The following PTPN4 variants were observed in gnomAD, a reference collection of about 807,000 sequenced individuals.
PTPN4 encodes tyrosine-protein phosphatase non-receptor type 4.
Under a neutral mutation model 135.5 loss-of-function variants are expected in PTPN4, and 49 were observed. The observed-to-expected ratio is 0.36, with a 90% confidence interval of 0.29 to 0.46. PTPN4 has a LOEUF of 0.46. Ranked by LOEUF, PTPN4 falls within the 20% of genes least tolerant of loss-of-function variation. The pLI is 1.00. For missense variants in PTPN4, 860 were observed against 1,101.0 expected, an observed-to-expected ratio of 0.78 and a Z score of 3.10; for synonymous variants, 333 against 369.9, an observed-to-expected ratio of 0.90 and a Z score of 1.14.
chr2:119,767,077 T>C (rs1344510992), intron 1 of PTPN4, among the ~76,000 whole-genome samples: 1 of 152,216 alleles, frequency 6.6e-6, no homozygotes, highest in East Asian at 1.9e-4. Flanking sequence ...TAAACTAATT[T>C]TTAACATTGT....
At chr2:119,936,156 C>T (rs560295842) in intron 15 of PTPN4, among the ~76,000 whole-genome samples, 1 of 152,220 alleles carries the variant, frequency 6.6e-6, no homozygotes, top group South Asian at 2.1e-4. Context: ...GCGCCAGCCA[C>T]CACTCCCGGC....
intron 9 of PTPN4, among the ~76,000 whole-genome samples, chr2:119,898,765 C>T (rs953898087): frequency 6.6e-6 from 1 of 152,102 alleles, no homozygotes; most frequent in Non-Finnish European, 1.5e-5. Flanking sequence ...CTTGTTCTCT[C>T]GTTTTATCTT....
intron 13 of PTPN4, among the ~76,000 whole-genome samples, chr2:119,927,113 CTTTT>C (rs35553909): frequency 8.1e-6 from 1 of 122,846 alleles, no homozygotes; most frequent in Non-Finnish European, 1.7e-5. Flanking sequence ...AGCCAATTTG[CTTTT>C]TTTTTTTTTT....
chr2:119,768,122 T>G (rs1012534783), intron 1 of PTPN4, among the ~76,000 whole-genome samples: 3 of 152,334 alleles, frequency 2.0e-5, no homozygotes, highest in Admixed American at 6.5e-5. Flanking sequence ...TATATACTCC[T>G]GGATTTGTTT....
intron 2 of PTPN4, among the ~76,000 whole-genome samples, chr2:119,820,359 T>TA (rs765945282): frequency 1.3e-5 from 2 of 152,222 alleles, no homozygotes; most frequent in African/African-American, 2.4e-5. Context: ...AGTACTTGCA[T>TA]AAAGAAACTT....
chr2:119,972,561 T>A (rs1035902126), intron 26 of PTPN4, among the ~76,000 whole-genome samples: 2 of 152,142 alleles, frequency 1.3e-5, no homozygotes, highest in African/African-American at 4.8e-5. Context: ...TTGTCTTTCT[T>A]GTATAAGTAT....
chr2:119,896,279 T>G lies in PTPN4; in HGVS notation c.676-4439T>G, dbSNP rs1678322321. ...ACTGTAGCTTGGTCTTGCTGTTGTT[T>G]AGTTATTTTATTTGACTCACAGTAA... On this transcript the variant is annotated intron_variant, in intron 9 of 26. Coordinates refer to ENST00000263708, the MANE Select transcript of PTPN4 (RefSeq NM_002830.4). 2.6e-5 allele frequency among the ~76,000 whole-genome samples: 4 copies of G among 152,324 alleles called. No individual in the cohort carries two copies. The South Asian group carries it at 8.3e-4, about 32-fold the overall frequency.
At chr2:119,826,403 C>T (rs886763774) in intron 2 of PTPN4, among the ~76,000 whole-genome samples, 8 of 152,126 alleles carry the variant, frequency 5.3e-5, no homozygotes, top group East Asian at 1.9e-4. Context: ...GAGCCCTTAC[C>T]GGAAACTATA....
At chr2:119,899,309 T>C (rs1461637460) in intron 9 of PTPN4, among the ~76,000 whole-genome samples, 1 of 152,196 alleles carries the variant, frequency 6.6e-6, no homozygotes, top group Non-Finnish European at 1.5e-5. Flanking sequence ...CTGATTATCC[T>C]GACAGTAATT....
chr2:119,921,285 CAAAAAT>C (rs1678733653), intron 12 of PTPN4, among the ~76,000 whole-genome samples: 1 of 151,702 alleles, frequency 6.6e-6, no homozygotes, highest in Non-Finnish European at 1.5e-5. Context: ...GACTCCATCT[CAAAAAT>C]AAAAATAAAA....
intron 2 of PTPN4, among the ~76,000 whole-genome samples, chr2:119,830,008 T>C: frequency 6.6e-6 from 1 of 152,092 alleles, no homozygotes; most frequent in East Asian, 1.9e-4. Context: ...TTAATAGCTA[T>C]CTTAGTAGGT....
intron 3 of PTPN4, among the ~76,000 whole-genome samples, chr2:119,873,394 T>C (rs190921261): frequency 3.0e-4 from 46 of 152,296 alleles, no homozygotes; most frequent in African/African-American, 1.1e-3. Context: ...GATTTCTTAG[T>C]AGAAACCATG....
chr2:119,762,818 G>A (rs1690533732), intron 1 of PTPN4, among the ~76,000 whole-genome samples: 1 of 152,124 alleles, frequency 6.6e-6, no homozygotes, highest in Non-Finnish European at 1.5e-5. Flanking sequence ...TACTAACTGA[G>A]TTGAATTTTG....
In PTPN4 at chr2:119,759,985, A is replaced by G. The variant is rs1690446942; in HGVS notation, c.-417A>G. The G allele has an allele frequency of 2.6e-6, 1 of 377,774 alleles. No homozygotes were observed. The highest frequency in any genetic ancestry group is 2.1e-5 in the African/African-American group (1 of 47,766). 23.4% of individuals were successfully genotyped at this position (377,774 alleles called of 1,614,324 possible). ...CCGCTCCTCGCGCCCCACCACCAACATTGTTCTCTCAGGACTCCTGGGTCC... is the reference window on the plus strand; with the variant it reads ...CCGCTCCTCGCGCCCCACCACCAACGTTGTTCTCTCAGGACTCCTGGGTCC... On this transcript the variant is annotated 5_prime_UTR_variant, in exon 1 of 27. Coordinates refer to ENST00000263708, the MANE Select transcript of PTPN4 (RefSeq NM_002830.4).
rs200454680 is a variant in PTPN4, at chr2:119,956,512, C to T, written c.1981-332C>T. On this transcript the variant is annotated intron_variant, in intron 20 of 26. Coordinates refer to ENST00000263708, the MANE Select transcript of PTPN4 (RefSeq NM_002830.4). The stretch of plus-strand genomic sequence containing the variant: ...TGTTTTTGTTCAAAAGTTCTTAGTT[C>T]ATAGACTGTAAACACCTCCAAACTA... 3.9e-5 allele frequency among the ~76,000 whole-genome samples: 6 copies of T among 152,274 alleles called. No individual in the cohort carries two copies. The East Asian group carries it at 1.2e-3, about 29-fold the overall frequency.
intron 3 of PTPN4, among the ~76,000 whole-genome samples, chr2:119,863,312 G>C (rs1422914340): frequency 2.0e-5 from 3 of 151,870 alleles, no homozygotes; most frequent in Non-Finnish European, 4.4e-5. Context: ...CGAGATAAAG[G>C]GTATACAAGC....
At chr2:119,888,702 T>C (rs953108296) in intron 9 of PTPN4, among the ~76,000 whole-genome samples, 2 of 152,200 alleles carry the variant, frequency 1.3e-5, no homozygotes, top group African/African-American at 4.8e-5. Context: ...TGTATTATCT[T>C]TCTAACATGC....
chr2:119,762,562 T>C (rs1241115663), intron 1 of PTPN4, among the ~76,000 whole-genome samples: 1 of 152,056 alleles, frequency 6.6e-6, no homozygotes, highest in Non-Finnish European at 1.5e-5. Flanking sequence ...TAGCAGAAAA[T>C]TGCAAGGAGG....
intron 20 of PTPN4, among the ~76,000 whole-genome samples, chr2:119,955,676 G>A (rs937856351): frequency 6.6e-6 from 1 of 152,152 alleles, no homozygotes; most frequent in African/African-American, 2.4e-5. Flanking sequence ...GGTGGCTCAC[G>A]CCTGTAATCC....
Sources: gnomAD v4.1 joint callset for allele counts (sites outside exome capture counted in the v4.1 genomes callset) on GRCh38, gnomAD v4.1.1 for gene constraint, MANE v1.5 for transcripts, NCBI Gene and HGNC (gene_info 2026-07-23, HGNC 2026-07-21) for gene names.